The following NREP variants were observed in gnomAD, a reference collection of about 807,000 sequenced individuals.
NREP encodes neuronal regeneration related protein, also known as neuronal regeneration-related protein.
A neutral mutation model predicts 8.6 loss-of-function variants in NREP; 5 were observed. That is an observed-to-expected ratio of 0.58 (90% CI 0.30 to 1.22). The LOEUF (loss-of-function observed/expected upper bound fraction) is 1.22, where lower values mean the gene tolerates loss of function less well. Ranked by LOEUF, NREP falls within the 50% of genes most tolerant of loss-of-function variation. The pLI is 0.07. For missense variants in NREP, 86 were observed against 82.5 expected (o/e 1.04, Z -0.17); for synonymous variants, 27 against 28.0 (o/e 0.96, Z 0.11).
chr5:111,737,953 G>A (rs964029411), intron 2 of NREP, among the ~76,000 whole-genome samples: 1 of 151,920 alleles, frequency 6.6e-6, no homozygotes, highest in Non-Finnish European at 1.5e-5. Context: ...AAAAATGAAC[G>A]TTGCTTTGGC....
chr5:111,974,660 C>A (rs1414239494), intron 2 of NREP, among the ~76,000 whole-genome samples: 1 of 152,178 alleles, frequency 6.6e-6, no homozygotes, highest in Admixed American at 6.5e-5. Flanking sequence ...GTAGCATCTT[C>A]CTATAAAACT....
intron 2 of NREP, among the ~76,000 whole-genome samples, chr5:111,809,730 TA>T (rs1752225801): frequency 6.6e-6 from 1 of 152,328 alleles, no homozygotes; most frequent in East Asian, 1.9e-4. Context: ...AACCATGAAC[TA>T]AATAAACCTT....
At chr5:111,749,104 TC>T (rs769700056) in intron 2 of NREP, among the ~76,000 whole-genome samples, 1 of 152,082 alleles carries the variant, frequency 6.6e-6, no homozygotes, top group African/African-American at 2.4e-5. Flanking sequence ...AGTAGCCTGC[TC>T]CCTCTAAGAA....
chr5:111,956,795 C>A (rs955494626), intron 2 of NREP, among the ~76,000 whole-genome samples: 1 of 151,856 alleles, frequency 6.6e-6, no homozygotes, highest in African/African-American at 2.4e-5. Flanking sequence ...GAAAACCCAT[C>A]TCTACTAAAA....
At chr5:111,929,078 C>T (rs1306442997) in intron 2 of NREP, among the ~76,000 whole-genome samples, 1 of 152,012 alleles carries the variant, frequency 6.6e-6, no homozygotes, top group African/African-American at 2.4e-5. Flanking sequence ...CACTCTTCTC[C>T]TCCTTATCCC....
chr5:111,777,094 T>C (rs1751382791), intron 2 of NREP, among the ~76,000 whole-genome samples: 1 of 151,910 alleles, frequency 6.6e-6, no homozygotes, highest in South Asian at 2.1e-4. Context: ...ATATAAATAA[T>C]CTCCAAGCTA....
At chr5:111,832,339 G>A (rs949888436) in intron 2 of NREP, among the ~76,000 whole-genome samples, 5 of 152,048 alleles carry the variant, frequency 3.3e-5, no homozygotes, top group African/African-American at 4.8e-5. Context: ...ACAATATGGC[G>A]AAACCCCACC....
intron 2 of NREP, among the ~76,000 whole-genome samples, chr5:111,874,107 G>A (rs1477544380): frequency 6.6e-6 from 1 of 152,142 alleles, no homozygotes; most frequent in Non-Finnish European, 1.5e-5. Context: ...ACTTGCCCCA[G>A]AGCTAGTTCT....
At chr5:111,967,930 G>T (rs1403180021) in intron 2 of NREP, among the ~76,000 whole-genome samples, 1 of 151,710 alleles carries the variant, frequency 6.6e-6, no homozygotes, top group African/African-American at 2.4e-5. Flanking sequence ...CCATGGATGA[G>T]CAGAACAATA....
intron 2 of NREP, among the ~76,000 whole-genome samples, chr5:111,858,014 A>G (rs1258931039): frequency 6.6e-6 from 1 of 152,084 alleles, no homozygotes; most frequent in Non-Finnish European, 1.5e-5. Flanking sequence ...TCTACTTTAT[A>G]ACTAACATGC....
intron 2 of NREP, among the ~76,000 whole-genome samples, chr5:111,947,705 T>C (rs1465878586): frequency 6.6e-6 from 1 of 152,068 alleles, no homozygotes; most frequent in Non-Finnish European, 1.5e-5. Flanking sequence ...TACTATACTC[T>C]TCCTCCTTCT....
At chr5:111,753,330 T>TTATATATATATATATA (rs10546970) in intron 2 of NREP, among the ~76,000 whole-genome samples, 1 of 140,800 alleles carries the variant, frequency 7.1e-6, no homozygotes, top group African/African-American at 2.6e-5. Context: ...CAAGTTGATT[T>TTATATATATATATATA]TATATATATA....
intron 2 of NREP, among the ~76,000 whole-genome samples, chr5:111,909,283 G>A (rs998576567): frequency 6.6e-6 from 1 of 152,058 alleles, no homozygotes; most frequent in Non-Finnish European, 1.5e-5. Context: ...ATAAAAAGAA[G>A]TCTAAGATGG....
intron 2 of NREP, among the ~76,000 whole-genome samples, chr5:111,839,511 T>A (rs1179514069): frequency 6.6e-6 from 1 of 152,134 alleles, no homozygotes; most frequent in African/African-American, 2.4e-5. Context: ...GGTTACAGTA[T>A]GTTCTTACCA....
intron 2 of NREP, among the ~76,000 whole-genome samples, chr5:111,870,993 T>C (rs904795949): frequency 6.6e-6 from 1 of 151,784 alleles, no homozygotes; most frequent in Non-Finnish European, 1.5e-5. Context: ...GTCTATAGCC[T>C]GAACCCTTAG....
intron 2 of NREP, among the ~76,000 whole-genome samples, chr5:111,752,416 C>G (rs1750420463): frequency 6.6e-6 from 1 of 152,170 alleles, no homozygotes; most frequent in South Asian, 2.1e-4. Context: ...AAATTATTCT[C>G]TTAGGTACTC....
Position 111,755,798 on chromosome 5 carries a change from T to C in NREP, c.-26A>G. ...TTTGAGAATCTTAGTCTTGGGCTTC[T>C]ATTCTCCCTCTCTTCAGTCCAGGGA... On this transcript the variant is annotated 5_prime_UTR_variant, in exon 2 of 4. It adds an upstream start codon to the 5' untranslated region. Transcript: ENST00000257435. 1 of 1,613,894 alleles carries C rather than the reference T, an allele frequency of 6.2e-7. No homozygotes were observed. Among genetic ancestry groups the C allele is most frequent in the Non-Finnish European group, 8.5e-7 (1 of 1,179,808 alleles).
At chr5:111,876,001 G>T (rs767238309) in intron 2 of NREP, among the ~76,000 whole-genome samples, 58 of 152,170 alleles carry the variant, frequency 3.8e-4, no homozygotes, top group Non-Finnish European at 5.9e-4. Flanking sequence ...CAAATAACTG[G>T]TTAGGGCCAG....
At chr5:111,795,863 C>A (rs1190413256) in intron 2 of NREP, among the ~76,000 whole-genome samples, 1 of 152,142 alleles carries the variant, frequency 6.6e-6, no homozygotes, top group Non-Finnish European at 1.5e-5. Context: ...GCTGAGCAAC[C>A]ATTTTATGAG....
Sources: allele counts gnomAD v4.1 joint callset (sites outside exome capture counted in the v4.1 genomes callset), GRCh38; gene constraint gnomAD v4.1.1; transcripts MANE v1.5; gene names NCBI Gene and HGNC (gene_info 2026-07-23, HGNC 2026-07-21).